The following DAPK2 variants were observed in gnomAD, a reference collection of about 807,000 sequenced individuals.
DAPK2 encodes death-associated protein kinase 2.
Under a neutral mutation model 44.1 loss-of-function variants are expected in DAPK2, and 35 were observed. That is an observed-to-expected ratio of 0.79 (90% CI 0.61 to 1.05). DAPK2 has a LOEUF of 1.05. Ranked by LOEUF, DAPK2 falls within the 50% of genes least tolerant of loss-of-function variation. DAPK2 has a pLI of 0.00. For missense variants in DAPK2, 453 were observed against 483.2 expected (o/e 0.94, Z 0.59); for synonymous variants, 174 against 182.6 (o/e 0.95, Z 0.38).
At chr15:64,026,614 C>G (rs1356142566) in intron 1 of DAPK2, among the ~76,000 whole-genome samples, 1 of 152,134 alleles carries the variant, frequency 6.6e-6, no homozygotes, top group Non-Finnish European at 1.5e-5. Context: ...TCCCTTTTGC[C>G]CTCTCAAAAG....
Position 63,912,884 on chromosome 15 carries a change from C to T in DAPK2, c.859-687G>A, listed in dbSNP as rs2078834029. Among the ~76,000 whole-genome samples, 1 of 152,150 alleles carries T rather than the reference C, an allele frequency of 6.6e-6. No individual in the cohort carries two copies. Among genetic ancestry groups the T allele is most frequent in the African/African-American group, 2.4e-5 (1 of 41,434 alleles). On this transcript the variant is annotated intron_variant, in intron 8 of 10. Transcript: ENST00000261891. This position sits in a 1 kb window ranked among gnomAD's most constrained non-coding sequence, Gnocchi z 4.4. ...ATAGTAATAAGTTATTGTGAGCTTT[C>T]CTGCGTTCTCCATTCCCTTTTCAAC...
intron 1 of DAPK2, among the ~76,000 whole-genome samples, chr15:64,028,030 G>GTATCTATCTATC (rs777029949): frequency 0.19 from 17,854 of 94,110 alleles, 1,306 homozygotes; most frequent in Middle Eastern, 0.29. Flanking sequence ...TACATAAACT[G>GTATCTATCTATC]TATCTATCTA....
At position 63,966,255 on chromosome 15, in the gene DAPK2, A is replaced by G. The variant is rs1375901215; in HGVS notation, c.453+5168T>C. 6.6e-6 allele frequency among the ~76,000 whole-genome samples: 1 copy of G among 152,346 alleles called. No individual in the cohort carries two copies. Among genetic ancestry groups the G allele is most frequent in the African/African-American group, 2.4e-5 (1 of 41,584 alleles). On this transcript the variant is annotated intron_variant, in intron 3 of 10. Transcript: ENST00000261891. The surrounding 1 kb of genome is among the most constrained non-coding windows in gnomAD (Gnocchi z 5.5). ...TCTAGGGCCTGGAATGGGGGCCTCA[A>G]GACTCTGCCTTGTGCCCTTTCTTAC...
chr15:63,942,923 C>G (rs2077349315), intron 3 of DAPK2, among the ~76,000 whole-genome samples: 1 of 152,128 alleles, frequency 6.6e-6, no homozygotes, highest in African/African-American at 2.4e-5. Flanking sequence ...TTGTTCCTGT[C>G]ATCTCCCCAG....
intron 5 of DAPK2, 88 bp from the exon 7 acceptor site, chr15:63,929,665 G>T (rs1448509918): frequency 6.6e-7 from 1 of 1,518,470 alleles, no homozygotes; most frequent in South Asian, 1.1e-5. Context: ...AGGGGAAGAG[G>T]TCACTTGCCT....
At chr15:63,934,480 C>G (rs1252678656) in intron 4 of DAPK2, among the ~76,000 whole-genome samples, 1 of 152,056 alleles carries the variant, frequency 6.6e-6, no homozygotes, top group Admixed American at 6.6e-5. Context: ...TGGTCTTGAA[C>G]TCCTGACCTC....
At chr15:64,026,652 C>T (rs2079855647) in intron 1 of DAPK2, among the ~76,000 whole-genome samples, 1 of 152,180 alleles carries the variant, frequency 6.6e-6, no homozygotes, top group East Asian at 1.9e-4. Flanking sequence ...ACCTGCTTCG[C>T]CAAATGGTAC....
intron 2 of DAPK2, among the ~76,000 whole-genome samples, chr15:63,975,143 T>C (rs959647593): frequency 1.3e-5 from 2 of 152,158 alleles, no homozygotes; most frequent in African/African-American, 4.8e-5. Context: ...CCAGCCAGCA[T>C]GTGCTCCACT....
intron 1 of DAPK2, among the ~76,000 whole-genome samples, chr15:64,011,913 C>T (rs2079399109): frequency 6.6e-6 from 1 of 152,142 alleles, no homozygotes; most frequent in African/African-American, 2.4e-5. Context: ...AAAGAAGTCC[C>T]AGGAAGCAAA....
rs370035463 is a variant in DAPK2 at position 63,985,440 on chromosome 15, G to A, written c.93-1686C>T. On this transcript the variant is annotated intron_variant, in intron 1 of 10. Coordinates refer to ENST00000261891, the Ensembl canonical transcript of DAPK2. ...CCTTGGTAGGTGCCAACAAACACTT[G>A]ACCGAGCTTCCAGGCCCGGGTGGCT... Among the ~76,000 whole-genome samples, 78 of 152,294 alleles carry A rather than the reference G, an allele frequency of 5.1e-4. 2 individuals are homozygous for A. Among genetic ancestry groups the A allele is most frequent in the African/African-American group, 1.8e-3 (73 of 41,554 alleles).
intron 1 of DAPK2, among the ~76,000 whole-genome samples, chr15:64,016,859 GGAAGGAA>G: frequency 2.3e-5 from 3 of 132,156 alleles, no homozygotes; most frequent in Non-Finnish European, 5.2e-5. Context: ...AAGGAAGGAA[GGAAGGAA>G]GGAAGGAAGG....
chr15:63,981,549 T>C (rs2078514861), intron 2 of DAPK2, among the ~76,000 whole-genome samples: 1 of 151,970 alleles, frequency 6.6e-6, no homozygotes, highest in Non-Finnish European at 1.5e-5. Flanking sequence ...ACAAGTACAA[T>C]GATTGTATAC....
chr15:63,963,212 A>C (rs2077961391), intron 3 of DAPK2, among the ~76,000 whole-genome samples: 1 of 152,138 alleles, frequency 6.6e-6, no homozygotes, highest in African/African-American at 2.4e-5. Context: ...GCGCAGTATT[A>C]GGGTGGGAGT....
At chr15:64,006,501 G>C (rs940342539) in intron 1 of DAPK2, among the ~76,000 whole-genome samples, 1 of 152,064 alleles carries the variant, frequency 6.6e-6, no homozygotes. Flanking sequence ...AGAGAAGCAA[G>C]GAACTCCCCC....
chr15:64,040,378 T>A (rs1009313012), upstream of DAPK2: 3 of 791,702 alleles, frequency 3.8e-6, no homozygotes, highest in Non-Finnish European at 6.6e-6. Flanking sequence ...TTAGTAATAA[T>A]CCACAGCCTT....
At chr15:63,983,629 C>T (rs373888721) in exon 2 of DAPK2, 17 of 1,614,186 alleles carry the variant, frequency 1.1e-5, no homozygotes, top group African/African-American at 9.3e-5. Context: ...GCTCACCTCC[C>T]GCTCGATCTC....
At chr15:64,033,384 C>T (rs2080086230) in intron 1 of DAPK2, among the ~76,000 whole-genome samples, 1 of 151,370 alleles carries the variant, frequency 6.6e-6, no homozygotes, top group South Asian at 2.1e-4. Context: ...CCTCGGCCTC[C>T]GAAAGTGCTG....
chr15:64,035,730 A>T (rs959190162), intron 1 of DAPK2, among the ~76,000 whole-genome samples: 1 of 152,194 alleles, frequency 6.6e-6, no homozygotes, highest in African/African-American at 2.4e-5. Flanking sequence ...ATATTTCTCC[A>T]AACACTCCTA....
intron 1 of DAPK2, among the ~76,000 whole-genome samples, chr15:64,030,797 C>T (rs560687160): frequency 3.3e-5 from 5 of 152,020 alleles, no homozygotes; most frequent in Admixed American, 6.5e-5. Flanking sequence ...GTAAGACACC[C>T]GTCTCTACAA....
Sources: allele counts gnomAD v4.1 joint callset (sites outside exome capture counted in the v4.1 genomes callset), GRCh38; gene constraint gnomAD v4.1.1; non-coding constraint Gnocchi (gnomAD v3.1); transcripts MANE v1.5; gene names NCBI Gene and HGNC (gene_info 2026-07-23, HGNC 2026-07-21).